Variants in GANC observed in about 807,000 individuals in gnomAD.
GANC encodes neutral alpha-glucosidase C.
A neutral mutation model predicts 124.2 loss-of-function variants in GANC; 117 were observed. The ratio of observed to expected loss-of-function variants is 0.94; its 90% CI spans 0.81 to 1.10. The LOEUF is 1.10. Among genes scored for constraint, GANC ranks in the 50% least tolerant of loss-of-function variants. The probability of loss-of-function intolerance (pLI) is 0.00; values close to 1 mark genes in which losing one functional copy is unlikely to be tolerated. For synonymous variants in GANC, 377 were observed against 376.8 expected, an observed-to-expected ratio of 1.00 and a Z score of -0.01; for missense variants, 1,140 against 1,095.0, an observed-to-expected ratio of 1.04 and a Z score of -0.58.
chr15:42,317,073 T>C (rs548463495), intron 10 of GANC, among the ~76,000 whole-genome samples: 1 of 152,248 alleles, frequency 6.6e-6, no homozygotes, highest in African/African-American at 2.4e-5. Flanking sequence ...CTATTTTCTT[T>C]ATTATACTGC....
In GANC at chr15:42,289,750, C is replaced by T. The variant is rs112697748; in HGVS notation, c.329+1932C>T. Among the ~76,000 whole-genome samples the T allele has an allele frequency of 3.6e-3, 551 of 152,204 alleles. 5 individuals are homozygous for T. Among genetic ancestry groups the T allele is most frequent in the African/African-American group, 0.013 (522 of 41,530 alleles). ...ACTGTTACAGGCTGAATTGTGTTAT[C>T]CCAAAATTCAGGTGTTGAGCCCTAA... On this transcript the variant is annotated intron_variant, in intron 4 of 23. Coordinates refer to ENST00000318010, the MANE Select transcript of GANC (RefSeq NM_198141.3).
At chr15:42,280,956 T>C (rs2051726689) in intron 3 of GANC, 2 of 702,368 alleles carry the variant, frequency 2.8e-6, no homozygotes, top group East Asian at 2.7e-5. Flanking sequence ...TCTGGATGCC[T>C]TCAAAGGCAA....
chr15:42,343,214 T>A, intron 19 of GANC, 60 bp downstream of exon 19: 14 of 1,414,750 alleles, frequency 9.9e-6, no homozygotes, highest in Non-Finnish European at 1.3e-5. Flanking sequence ...CTTCTTTTCT[T>A]TTAGGAAAGA....
intron 3 of GANC, 69 bp from the exon 4 acceptor site, chr15:42,287,622 T>C: frequency 6.6e-7 from 1 of 1,518,124 alleles, no homozygotes; most frequent in South Asian, 1.2e-5. Context: ...TCCTAATTAT[T>C]GTAATTGGTG....
At chr15:42,287,326 T>C (rs1170779318) in intron 3 of GANC, among the ~76,000 whole-genome samples, 4 of 152,222 alleles carry the variant, frequency 2.6e-5, no homozygotes. Context: ...TTATTCTTAA[T>C]GTATCTGTAG....
chr15:42,283,293 A>G (rs2051752238), intron 3 of GANC, among the ~76,000 whole-genome samples: 1 of 152,238 alleles, frequency 6.6e-6, no homozygotes, highest in Non-Finnish European at 1.5e-5. Context: ...CAGAATAATC[A>G]GGTAGATATT....
At chr15:42,296,612 C>T (rs1295177671) in intron 5 of GANC, among the ~76,000 whole-genome samples, 1 of 152,218 alleles carries the variant, frequency 6.6e-6, no homozygotes, top group East Asian at 1.9e-4. Flanking sequence ...AGGCTGGTCT[C>T]GAGCTCCTGA....
intron 19 of GANC, among the ~76,000 whole-genome samples, chr15:42,344,382 T>G (rs556663556): frequency 6.6e-6 from 1 of 152,122 alleles, no homozygotes; most frequent in East Asian, 1.9e-4. Flanking sequence ...CTCGCCTATC[T>G]TCATGTTGCC....
At chr15:42,289,654 G>A (rs2051822975) in intron 4 of GANC, among the ~76,000 whole-genome samples, 1 of 152,078 alleles carries the variant, frequency 6.6e-6, no homozygotes, top group South Asian at 2.1e-4. Flanking sequence ...ATGGGAGTAT[G>A]AGATTGGCTG....
intron 4 of GANC, among the ~76,000 whole-genome samples, chr15:42,292,350 A>T (rs184854008): frequency 3.3e-4 from 49 of 146,916 alleles, no homozygotes; most frequent in Admixed American, 2.1e-3. Context: ...TGATGATGAC[A>T]ACGATGATAG....
At position 42,322,020 on chromosome 15, in the gene GANC, G is replaced by C; in HGVS notation, c.1293G>C (p.Lys431Asn). Residue 431 changes from lysine (K) to asparagine (N), a missense_variant and splice_region_variant, in exon 11 of 24, where the codon AAG (lysine) becomes AAC (asparagine). Lys to Asn is a moderately conservative substitution (Grantham distance 94, BLOSUM62 0). Transcript: ENST00000318010. ...AGCTGCTCAGGAGCAAAAAGCGTAA[G>C]GTAAAATAAGCCAACATTTCTGAAC... ...MQELLRSKKR[K>N]LVVISDPHIK... is the part of the protein sequence containing the mutation. The C allele has an allele frequency of 6.2e-7, 1 of 1,605,074 alleles. No individual in the cohort carries two copies. Among genetic ancestry groups the C allele is most frequent in the Non-Finnish European group, 8.5e-7 (1 of 1,175,410 alleles).
At chr15:42,318,407 C>T (rs2052127841) in intron 10 of GANC, among the ~76,000 whole-genome samples, 1 of 152,182 alleles carries the variant, frequency 6.6e-6, no homozygotes, top group Non-Finnish European at 1.5e-5. Context: ...TTCTTTCTCT[C>T]AGAATTTGAA....
chr15:42,279,989 C>T lies in GANC; in HGVS notation c.201+1399C>T, dbSNP rs540946619. Reference sequence around the variant, plus strand: ...ATTGTACAGTAAGGAAAACTACCTTCATTATGGAGTTTTAGAGATTTTAGT... The same window carrying T: ...ATTGTACAGTAAGGAAAACTACCTTTATTATGGAGTTTTAGAGATTTTAGT... On this transcript the variant is annotated intron_variant, in intron 3 of 23. Coordinates refer to ENST00000318010, the MANE Select transcript of GANC (RefSeq NM_198141.3). Among the ~76,000 whole-genome samples, 4 of 152,312 alleles carry T rather than the reference C, an allele frequency of 2.6e-5. No homozygotes were observed. The South Asian group carries it at 8.3e-4, about 32-fold the overall frequency.
chr15:42,310,405 T>C lies in GANC; in HGVS notation c.845T>C (p.Ile282Thr). 6.2e-7 allele frequency: 1 copy of C among 1,613,768 alleles called. No individual in the cohort carries two copies. The highest frequency in any genetic ancestry group is 8.5e-7 in the Non-Finnish European group (1 of 1,179,834). ...LAHKLGRTIG[I>T]FWLNASETLV... ...CACAAACTGGGCAGAACTATAGGTA[T>C]TTTCTGGCTGAATGCCTCGGAAACA... is the stretch of plus-strand genomic sequence containing the variant. The change falls in exon 9 of 24, where the codon ATT becomes ACT. Residue 282 changes from isoleucine to threonine, a missense_variant. By Grantham distance (89) the Ile-to-Thr change is moderately conservative. Coordinates refer to ENST00000318010, the MANE Select transcript of GANC (RefSeq NM_198141.3).
chr15:42,279,674 T>C (rs1375514297), intron 3 of GANC, among the ~76,000 whole-genome samples: 1 of 152,222 alleles, frequency 6.6e-6, no homozygotes, highest in African/African-American at 2.4e-5. Flanking sequence ...AAAGGCATCC[T>C]AAGTTTCTAA....
chr15:42,292,032 A>T (rs959676560), intron 4 of GANC, among the ~76,000 whole-genome samples: 20 of 152,120 alleles, frequency 1.3e-4, no homozygotes, highest in Non-Finnish European at 2.6e-4. Context: ...TTTACTGGGG[A>T]CACTGTGCAC....
chr15:42,346,976 G>A (rs2052370444), intron 20 of GANC, among the ~76,000 whole-genome samples: 1 of 152,238 alleles, frequency 6.6e-6, no homozygotes, highest in Middle Eastern at 3.4e-3. Flanking sequence ...CCAACTTTCA[G>A]ATCTAGAAGA....
chr15:42,298,776 A>C, intron 6 of GANC, among the ~76,000 whole-genome samples: 1 of 152,162 alleles, frequency 6.6e-6, no homozygotes, highest in East Asian at 1.9e-4. Context: ...GGCCCTTCAC[A>C]TCCCTTGTTA....
Position 42,297,610 on chromosome 15 carries a change from G to A in GANC, c.513-1G>A. The A allele has an allele frequency of 2.5e-6, 4 of 1,611,594 alleles. No individual in the cohort carries two copies. The highest frequency in any genetic ancestry group is 3.4e-6 in the Non-Finnish European group (4 of 1,178,128). ...AAACAACTTTATTTACGTTAAAACA[G>A]AGCTGCTAAAGAAAATGAGGAGGAG... On this transcript the variant is annotated splice_acceptor_variant, in intron 5 of 23. Coordinates refer to ENST00000318010, the MANE Select transcript of GANC (RefSeq NM_198141.3). LOFTEE classifies it high-confidence loss of function.
Sources: allele counts gnomAD v4.1 joint callset (sites outside exome capture counted in the v4.1 genomes callset), GRCh38; gene constraint gnomAD v4.1.1; transcripts MANE v1.5; gene names NCBI Gene and HGNC (gene_info 2026-07-23, HGNC 2026-07-21).